The following PAPSS1 variants were observed in gnomAD, a reference collection of about 807,000 sequenced individuals.
The protein encoded by PAPSS1 is bifunctional 3'-phosphoadenosine 5'-phosphosulfate synthase 1.
Under a neutral mutation model 72.0 loss-of-function variants are expected in PAPSS1, and 50 were observed. That is an observed-to-expected ratio of 0.69 (90% CI 0.55 to 0.88). PAPSS1 has a LOEUF of 0.88. Among genes scored for constraint, PAPSS1 ranks in the 40% least tolerant of loss-of-function variants. The probability of loss-of-function intolerance (pLI) is 0.00; values close to 1 mark genes in which losing one functional copy is unlikely to be tolerated. For missense variants in PAPSS1, 657 were observed against 782.2 expected (o/e 0.84, Z 1.91); for synonymous variants, 261 against 263.6 (o/e 0.99, Z 0.09).
chr4:107,629,014 G>A (rs1726167737), intron 11 of PAPSS1, among the ~76,000 whole-genome samples: 1 of 152,140 alleles, frequency 6.6e-6, no homozygotes, highest in African/African-American at 2.4e-5. Context: ...AAAGGTTCAT[G>A]GAAAATGTTC....
At chr4:107,680,367 A>T (rs967921564) in intron 5 of PAPSS1, among the ~76,000 whole-genome samples, 11 of 151,590 alleles carry the variant, frequency 7.3e-5, no homozygotes, top group African/African-American at 2.2e-4. Context: ...ATTACATTAG[A>T]CTTCTCATCA....
At position 107,687,056 on chromosome 4, in the gene PAPSS1, C is replaced by A; in HGVS notation, c.533G>T (p.Arg178Leu). ...RDVKGLYKKA[R>L]AGEIKGFTGI... ...TTACTGACCTTTAATTTCTCCTGCCCGGGCTTTTTTGTAGAGTCCTTTGAC... is the reference window on the plus strand; with the variant it reads ...TTACTGACCTTTAATTTCTCCTGCCAGGGCTTTTTTGTAGAGTCCTTTGAC... The change falls in exon 4 of 12, where the codon CGG becomes CTG. Residue 178 changes from arginine (R) to leucine (L), a missense_variant. Physicochemically the swap from Arg to Leu is moderately radical, Grantham distance 102. Coordinates refer to ENST00000265174, the MANE Select transcript of PAPSS1 (RefSeq NM_005443.5). 1 of 1,595,936 alleles carries A rather than the reference C, an allele frequency of 6.3e-7. No homozygotes were observed. Among genetic ancestry groups the A allele is most frequent in the Non-Finnish European group, 8.5e-7 (1 of 1,174,044 alleles).
chr4:107,694,060 T>C, intron 2 of PAPSS1, 54 bp from the exon 3 acceptor site: 3 of 1,252,014 alleles, frequency 2.4e-6, no homozygotes, highest in South Asian at 2.6e-5. Flanking sequence ...AGGATAACTA[T>C]GTAGTAATAC....
At chr4:107,660,465 A>T (rs919949933) in intron 5 of PAPSS1, among the ~76,000 whole-genome samples, 2 of 152,136 alleles carry the variant, frequency 1.3e-5, no homozygotes, top group Non-Finnish European at 1.5e-5. Flanking sequence ...GCTTTTATAT[A>T]TACCTTTATC....
chr4:107,694,195 G>A, intron 2 of PAPSS1, 189 bp from the exon 3 acceptor site: 1 of 549,704 alleles, frequency 1.8e-6, no homozygotes, highest in Non-Finnish European at 3.2e-6. Flanking sequence ...CAAATAGCTA[G>A]GACAACAGGC....
intron 5 of PAPSS1, among the ~76,000 whole-genome samples, chr4:107,678,212 T>A (rs1202046652): frequency 6.7e-6 from 1 of 148,888 alleles, no homozygotes; most frequent in Non-Finnish European, 1.5e-5. Context: ...AAGTTGCCAT[T>A]TAAGTATTAG....
At chr4:107,647,582 C>A (rs1004459871) in intron 9 of PAPSS1, among the ~76,000 whole-genome samples, 9 of 152,142 alleles carry the variant, frequency 5.9e-5, no homozygotes, top group African/African-American at 1.9e-4. Flanking sequence ...CCACGAAACC[C>A]AATAAAATTT....
At chr4:107,664,063 C>G (rs1345671755) in intron 5 of PAPSS1, among the ~76,000 whole-genome samples, 1 of 152,140 alleles carries the variant, frequency 6.6e-6, no homozygotes, top group East Asian at 1.9e-4. Flanking sequence ...ACCAACTGTT[C>G]CAAACCCTGC....
rs775256816 is a variant in PAPSS1 at position 107,720,221 on chromosome 4, G to A, written c.-42C>T. On this transcript the variant is annotated 5_prime_UTR_variant, in exon 1 of 12. Coordinates refer to ENST00000265174, the MANE Select transcript of PAPSS1 (RefSeq NM_005443.5). The stretch of plus-strand genomic sequence containing the variant: ...GAGCAGCCGGGGTTCTCTGCGCCGG[G>A]AGGGTAGCAAGAGGAGGGCAGGCCA... 4 of 1,582,278 alleles carry A rather than the reference G, an allele frequency of 2.5e-6. No individual in the cohort carries two copies. The highest frequency in any genetic ancestry group is 4.8e-5 in the East Asian group (2 of 41,848).
chr4:107,641,912 T>C (rs1055554644), intron 10 of PAPSS1, among the ~76,000 whole-genome samples: 1 of 152,158 alleles, frequency 6.6e-6, no homozygotes, highest in Admixed American at 6.5e-5. Context: ...AGTAGTTTTT[T>C]AAAGGACACC....
intron 5 of PAPSS1, among the ~76,000 whole-genome samples, chr4:107,670,530 G>C (rs1414838339): frequency 6.6e-6 from 1 of 152,066 alleles, no homozygotes; most frequent in African/African-American, 2.4e-5. Context: ...TTTTATTGAT[G>C]CATTTTATTT....
chr4:107,614,121 G>C lies in PAPSS1; in HGVS notation c.*128C>G, dbSNP rs1725758339. 2.2e-6 allele frequency: 2 copies of C among 927,294 alleles called. No homozygotes were observed. The highest frequency in any genetic ancestry group is 5.4e-5 in the Admixed American group (2 of 37,066). 57.4% of individuals were successfully genotyped at this position (927,294 alleles called of 1,614,324 possible). On this transcript the variant is annotated 3_prime_UTR_variant, in exon 12 of 12. Coordinates refer to ENST00000265174, the MANE Select transcript of PAPSS1 (RefSeq NM_005443.5). The stretch of plus-strand genomic sequence containing the variant: ...ATAAGGCAGACCAAAACTGATGCAA[G>C]TTAAGGAAAATGGTCTGTTTTTAGG...
intron 10 of PAPSS1, among the ~76,000 whole-genome samples, chr4:107,632,314 G>C (rs1422427805): frequency 6.6e-6 from 1 of 152,056 alleles, no homozygotes; most frequent in East Asian, 1.9e-4. Flanking sequence ...CTGGTAATTA[G>C]GGTGTGCTCA....
chr4:107,701,259 G>A lies in PAPSS1; in HGVS notation c.87C>T (p.Thr29=), dbSNP rs141005208. The A allele has an allele frequency of 4.0e-5, 64 of 1,613,326 alleles. No individual in the cohort carries two copies. The East Asian group carries it at 1.2e-3, about 31-fold the overall frequency. The part of the protein sequence containing the change: ...NWGMQRATNV[T]YQAHHVSRNK... The stretch of plus-strand genomic sequence containing the variant: ...TCCTGCTGACATGATGGGCTTGGTA[G>A]GTGACATTGGTTGCTCTCTGCATTC... Residue 29 remains threonine (T), a synonymous_variant, in exon 2 of 12, where the codon ACC becomes ACT. Coordinates refer to ENST00000265174, the MANE Select transcript of PAPSS1 (RefSeq NM_005443.5).
intron 11 of PAPSS1, among the ~76,000 whole-genome samples, chr4:107,622,985 ATAC>A (rs1458798824): frequency 1.3e-5 from 2 of 152,242 alleles, no homozygotes; most frequent in South Asian, 2.1e-4. Context: ...TATAACAATT[ATAC>A]TACAAGTCCT....
rs1262989560 is a variant in PAPSS1 at position 107,671,335 on chromosome 4, T to C, written c.669+10680A>G. ...AAAAAGAGCCTACACGTAGGAAAAG[T>C]GTCAAACCCAAAGGACACTATTCTA... On this transcript the variant is annotated intron_variant, in intron 5 of 11. Transcript: ENST00000265174. Among the ~76,000 whole-genome samples, 9 of 150,780 alleles carry C rather than the reference T, an allele frequency of 6.0e-5. No individual in the cohort carries two copies. In the South Asian group the frequency reaches 6.3e-4, roughly 11 times the overall value.
chr4:107,635,013 T>C (rs369425491), intron 10 of PAPSS1, among the ~76,000 whole-genome samples: 69 of 152,226 alleles, frequency 4.5e-4, no homozygotes, highest in East Asian at 4.3e-3. Context: ...TTAGCCAGGA[T>C]GGTCTCGATC....
intron 1 of PAPSS1, among the ~76,000 whole-genome samples, chr4:107,703,835 T>C (rs981197571): frequency 6.6e-6 from 1 of 152,170 alleles, no homozygotes; most frequent in African/African-American, 2.4e-5. Context: ...TTATCTGGGG[T>C]CTTTTGTGGT....
Position 107,677,016 on chromosome 4 carries a change from C to T in PAPSS1, c.669+4999G>A, listed in dbSNP as rs1166232489. Reference sequence around the variant, plus strand: ...GCTGAAACTGGATCCCTTCCTTACACCTTATACAAAAATTAATTCAAGATG... The same window carrying T: ...GCTGAAACTGGATCCCTTCCTTACATCTTATACAAAAATTAATTCAAGATG... On this transcript the variant is annotated intron_variant, in intron 5 of 11. Transcript: ENST00000265174. Among the ~76,000 whole-genome samples the T allele has an allele frequency of 5.3e-5, 8 of 152,282 alleles. No individual in the cohort carries two copies. In the East Asian group the frequency reaches 5.8e-4, roughly 11 times the overall value.
Sources: gnomAD v4.1 joint callset for allele counts (sites outside exome capture counted in the v4.1 genomes callset) on GRCh38, gnomAD v4.1.1 for gene constraint, MANE v1.5 for transcripts, NCBI Gene and HGNC (gene_info 2026-07-23, HGNC 2026-07-21) for gene names.